Variants in ZFPM1 observed in about 807,000 individuals in gnomAD.
The protein encoded by ZFPM1 is zinc finger protein, FOG family member 1, also known as zinc finger protein ZFPM1.
Under a neutral mutation model 46.3 loss-of-function variants are expected in ZFPM1, and 28 were observed. The ratio of observed to expected loss-of-function variants is 0.60; its 90% confidence interval spans 0.45 to 0.83. The LOEUF (loss-of-function observed/expected upper bound fraction) is 0.83, where lower values mean the gene tolerates loss of function less well. Among genes scored for constraint, ZFPM1 ranks in the 40% least tolerant of loss-of-function variants. The pLI is 0.00. For synonymous variants in ZFPM1, 957 were observed against 675.9 expected, an observed-to-expected ratio of 1.42 and a Z score of -6.45; for missense variants, 1,878 against 1,432.4, an observed-to-expected ratio of 1.31 and a Z score of -5.02.
intron 1 of ZFPM1, among the ~76,000 whole-genome samples, chr16:88,466,117 T>G (rs1908123788): frequency 6.6e-6 from 1 of 152,176 alleles, no homozygotes; most frequent in Admixed American, 6.5e-5. Context: ...GATTTTATAT[T>G]TTGAGTGACT....
intron 1 of ZFPM1, among the ~76,000 whole-genome samples, chr16:88,456,476 G>C (rs922784532): frequency 2.6e-5 from 4 of 152,196 alleles, no homozygotes; most frequent in Non-Finnish European, 4.4e-5. Context: ...AGGCGCTGCA[G>C]ACCTGCCTGG....
intron 2 of ZFPM1, among the ~76,000 whole-genome samples, chr16:88,488,502 T>G (rs920931802): frequency 1.3e-5 from 2 of 152,184 alleles, no homozygotes; most frequent in Non-Finnish European, 2.9e-5. Context: ...ACTTTTATAC[T>G]GTGTGATTGA....
At chr16:88,464,288 G>A (rs937255636) in intron 1 of ZFPM1, among the ~76,000 whole-genome samples, 4 of 152,332 alleles carry the variant, frequency 2.6e-5, no homozygotes, top group Non-Finnish European at 4.4e-5. Context: ...GGGCCCCCAG[G>A]TGCCCCCAGG....
intron 3 of ZFPM1, among the ~76,000 whole-genome samples, chr16:88,494,511 C>T (rs778867143): frequency 2.6e-5 from 4 of 152,136 alleles, no homozygotes; most frequent in South Asian, 2.1e-4. Context: ...CACCAAACCC[C>T]GCCGTCACCA....
intron 3 of ZFPM1, among the ~76,000 whole-genome samples, chr16:88,509,831 G>A (rs886916066): frequency 6.6e-6 from 1 of 152,208 alleles, no homozygotes; most frequent in African/African-American, 2.4e-5. Flanking sequence ...CTCTGGGCCT[G>A]TGGGATGGGA....
intron 1 of ZFPM1, among the ~76,000 whole-genome samples, chr16:88,478,697 T>TG (rs1285398242): frequency 6.6e-6 from 1 of 152,090 alleles, no homozygotes; most frequent in African/African-American, 2.4e-5. Context: ...GGACCTAGGC[T>TG]GGGGGAAAAA....
rs1250243622 is a variant in ZFPM1 at position 88,535,136 on chromosome 16, C to T, written c.*157C>T. 3.3e-6 allele frequency: 3 copies of T among 919,346 alleles called. No homozygotes were observed. The highest frequency in any genetic ancestry group is 3.4e-5 in the East Asian group (1 of 29,516). The allele number at this position is 919,346 out of a possible 1,614,324, so 56.9% of individuals were successfully genotyped here. On this transcript the variant is annotated 3_prime_UTR_variant, in exon 10 of 10. Transcript: ENST00000319555. ...GGGCAGCGCCCGCCTGGACCCTTGG[C>T]ACTTAATAAAGAAGTTCAGTTTGAT...
Position 88,454,114 on chromosome 16 carries a change from C to CTTTGTATCTTT in ZFPM1, c.40+436_40+437insTTTGTATCTTT, listed in dbSNP as rs1314960857. Among the ~76,000 whole-genome samples the CTTTGTATCTTT allele has an allele frequency of 5.9e-5, 9 of 152,338 alleles. No individual in the cohort carries two copies. In the East Asian group the frequency reaches 1.7e-3, roughly 29 times the overall value. On this transcript the variant is annotated intron_variant, in intron 1 of 9. Coordinates refer to ENST00000319555, the MANE Select transcript of ZFPM1 (RefSeq NM_153813.3). ...GCTGAAATTGTGATCTTATCTCGCG[C>CTTTGTATCTTT]GGTTGACTCTCCCAGGCTTTGTATC... is the stretch of plus-strand genomic sequence containing the variant.
chr16:88,466,515 G>C (rs569650010), intron 1 of ZFPM1, among the ~76,000 whole-genome samples: 78 of 152,264 alleles, frequency 5.1e-4, no homozygotes, highest in African/African-American at 1.8e-3. Context: ...GGGCTCACCC[G>C]TACCTTTCAG....
At chr16:88,521,459 C>T (rs554966943) in intron 4 of ZFPM1, among the ~76,000 whole-genome samples, 2 of 151,984 alleles carry the variant, frequency 1.3e-5, no homozygotes, top group South Asian at 2.1e-4. Flanking sequence ...CTCAGGCCAT[C>T]GTGGGTCAGG....
chr16:88,525,815 G>A (rs2142470677), intron 4 of ZFPM1, among the ~76,000 whole-genome samples: 1 of 152,372 alleles, frequency 6.6e-6, no homozygotes, highest in East Asian at 1.9e-4. Context: ...CTGGGATGGG[G>A]CCCCTCGCAT....
intron 6 of ZFPM1, among the ~76,000 whole-genome samples, chr16:88,529,751 C>T (rs1034968107): frequency 6.6e-6 from 1 of 152,204 alleles, no homozygotes; most frequent in Admixed American, 6.5e-5. Flanking sequence ...CTGGTCCTGA[C>T]AGTGCAGAGG....
Position 88,532,168 on chromosome 16 carries a change from C to T in ZFPM1, c.879C>T (p.Pro293=). 6.2e-7 allele frequency: 1 copy of T among 1,612,254 alleles called. No homozygotes were observed. Among genetic ancestry groups the T allele is most frequent in the Non-Finnish European group, 8.5e-7 (1 of 1,179,504 alleles). ...CCTACCCCAACGAGCGCGTCTGCCC[C>T]TTCCCCCAGTGCCGCAAGAGCTGCC... The part of the protein sequence containing the change: ...KETYPNERVC[P]FPQCRKSCPS... Residue 293 remains proline (P), a synonymous_variant, in exon 7 of 10, where the codon CCC becomes CCT. Transcript: ENST00000319555.
chr16:88,527,931 C>T (rs905400205), intron 5 of ZFPM1, 101 bp from the exon 6 acceptor site: 1 of 1,230,336 alleles, frequency 8.1e-7, no homozygotes, highest in Non-Finnish European at 1.1e-6. Context: ...GGCTGTGAAC[C>T]CGGGTGGCCG....
chr16:88,523,807 G>T (rs1400886662), intron 4 of ZFPM1, among the ~76,000 whole-genome samples: 2 of 152,174 alleles, frequency 1.3e-5, no homozygotes, highest in South Asian at 4.1e-4. Flanking sequence ...CGGGTCGGGG[G>T]CGGGTGCCGG....
At chr16:88,505,940 C>CT (rs1462432740) in intron 3 of ZFPM1, among the ~76,000 whole-genome samples, 1 of 152,228 alleles carries the variant, frequency 6.6e-6, no homozygotes, top group East Asian at 1.9e-4. Context: ...CCCCAGCCCC[C>CT]CACAGCCATC....
chr16:88,504,032 G>A (rs1269760532), intron 3 of ZFPM1, among the ~76,000 whole-genome samples: 1 of 152,012 alleles, frequency 6.6e-6, no homozygotes, highest in East Asian at 1.9e-4. Context: ...AGTGGGGGTG[G>A]GTGCCTGCCA....
rs150546511 is a variant in ZFPM1, at chr16:88,487,655, C to T, written c.146-1376C>T. ...GTGGGGACCCCCACCCCAGCATTTC[C>T]CAGTCTGAGTGTCAGGGTCCCCGCT... On this transcript the variant is annotated intron_variant, in intron 2 of 9. Transcript: ENST00000319555. Among the ~76,000 whole-genome samples the T allele has an allele frequency of 6.5e-3, 991 of 152,268 alleles. 16 individuals carry two copies. Among genetic ancestry groups the T allele is most frequent in the African/African-American group, 0.023 (937 of 41,562 alleles).
At position 88,533,496 on chromosome 16, in the gene ZFPM1, C is replaced by A. The variant is rs766427111; in HGVS notation, c.1538C>A (p.Pro513Gln). Reference sequence around the variant, plus strand: ...TCCAGCCCCACGCCGGGCTCCAGCCCGGTGCCCGGCGAGCTGGGCCTGGCC... The same window carrying A: ...TCCAGCCCCACGCCGGGCTCCAGCCAGGTGCCCGGCGAGCTGGGCCTGGCC... The part of the protein sequence containing the change: ...ELSSPTPGSS[P>Q]VPGELGLAGA... Residue 513 changes from proline to glutamine, a missense_variant, in exon 10 of 10, where the codon CCG (proline) becomes CAG (glutamine). Pro to Gln is a moderately conservative substitution (Grantham distance 76). Transcript: ENST00000319555. The A allele has an allele frequency of 1.7e-5, 24 of 1,400,976 alleles. No individual in the cohort carries two copies. The highest frequency in any genetic ancestry group is 3.3e-5 in the Admixed American group (1 of 29,982). The allele number at this position is 1,400,976 out of a possible 1,614,324, so 86.8% of individuals were successfully genotyped here. A position where few individuals can be genotyped will look rare whatever the true frequency, so the allele number is the denominator to read the frequency against.
Sources: allele counts gnomAD v4.1 joint callset (sites outside exome capture counted in the v4.1 genomes callset), GRCh38; gene constraint gnomAD v4.1.1; transcripts MANE v1.5; gene names NCBI Gene and HGNC (gene_info 2026-07-23, HGNC 2026-07-21).